The following MAST2 variants were observed in gnomAD, a reference collection of about 807,000 sequenced individuals.
The protein encoded by MAST2 is microtubule-associated serine/threonine-protein kinase 2.
MAST2 carries 70 observed loss-of-function variants against 147.4 expected under a neutral mutation model. That is an observed-to-expected ratio of 0.47 (90% CI 0.39 to 0.58). The LOEUF (loss-of-function observed/expected upper bound fraction) is 0.58. Ranked by LOEUF, MAST2 falls within the 20% of genes least tolerant of loss-of-function variation. The pLI is 0.00. For synonymous variants in MAST2, 869 were observed against 896.8 expected (o/e 0.97, Z 0.55); for missense variants, 2,080 against 2,302.3 (o/e 0.90, Z 1.98).
rs60802520 is a variant in MAST2 at position 45,975,495 on chromosome 1, C to CAAAAAAAAAAAAAAAAA, written c.592+16028_592+16044dup. On this transcript the variant is annotated intron_variant, in intron 5 of 28. Coordinates refer to ENST00000361297, the MANE Select transcript of MAST2 (RefSeq NM_015112.3). ...GCAATATAGTGAGTCCCTGTCTCTC[C>CAAAAAAAAAAAAAAAAA]AAAAAAAAAAAAAAAAAAAAAAAAA... 9.9e-5 allele frequency among the ~76,000 whole-genome samples: 4 copies of CAAAAAAAAAAAAAAAAA among 40,438 alleles called. 2 individuals carry two copies. Among genetic ancestry groups the CAAAAAAAAAAAAAAAAA allele is most frequent in the Admixed American group, 6.0e-4 (2 of 3,332 alleles). The allele number at this position is 40,438 out of a possible 152,430, so 26.5% of individuals were successfully genotyped here.
chr1:46,029,737 A>C, intron 19 of MAST2, 94 bp from the exon 20 acceptor site: 2 of 1,492,388 alleles, frequency 1.3e-6, no homozygotes, highest in Non-Finnish European at 9.2e-7. Flanking sequence ...TCCCCTAGGT[A>C]TAGCTTCTGA....
chr1:45,947,444 A>C (rs151099082), intron 4 of MAST2, among the ~76,000 whole-genome samples: 1 of 152,196 alleles, frequency 6.6e-6, no homozygotes, highest in Non-Finnish European at 1.5e-5. Flanking sequence ...AGTTAGCTTT[A>C]AACCAAGCCC....
intron 1 of MAST2, among the ~76,000 whole-genome samples, chr1:45,812,286 A>C (rs1644326554): frequency 6.6e-6 from 1 of 152,078 alleles, no homozygotes; most frequent in Non-Finnish European, 1.5e-5. Context: ...AGTTTCATCA[A>C]AAGTACTGGG....
rs1646708361 is a variant in MAST2, at chr1:46,032,414, A to G, written c.3414+10A>G. ...GCACCATATGGTGTGGGTATGTCTG[A>G]CCATCCAGACCTGCTGTCTCCCTGC... On this transcript the variant is annotated intron_variant, in intron 25 of 28. Coordinates refer to ENST00000361297, the MANE Select transcript of MAST2 (RefSeq NM_015112.3). The G allele has an allele frequency of 6.2e-7, 1 of 1,612,696 alleles. No homozygotes were observed. Among genetic ancestry groups the G allele is most frequent in the African/African-American group, 1.3e-5 (1 of 74,878 alleles).
At chr1:46,032,745 G>C in intron 26 of MAST2, 27 bp downstream of exon 26, 1 of 1,602,018 alleles carries the variant, frequency 6.2e-7, no homozygotes, top group Non-Finnish European at 8.5e-7. Flanking sequence ...CTGCCTGCAT[G>C]GTCCCTGAAT....
rs1184853702 is a variant in MAST2, at chr1:46,034,819, CT to C, written c.4151del (p.Leu1384ArgfsTer39). On this transcript the variant is annotated frameshift_variant, in exon 29 of 29. Coordinates refer to ENST00000361297, the MANE Select transcript of MAST2 (RefSeq NM_015112.3). LOFTEE classifies it low-confidence loss of function (END_TRUNC). Reference sequence around the variant, plus strand: ...CACAAAGCTTCACTTGTCACCTCCCCTGGGCAGGCAACTCTCACGGCCCAAG... The same window carrying C: ...CACAAAGCTTCACTTGTCACCTCCCCGGGCAGGCAACTCTCACGGCCCAAG... ...FPTKLHLSPPLGRQLSRPKSA... is the reference protein window; with the variant it reads ...FPTKLHLSPPXGRQLSRPKSA... 1.2e-6 allele frequency: 2 copies of C among 1,614,110 alleles called. No homozygotes were observed. Among genetic ancestry groups the C allele is most frequent in the Non-Finnish European group, 1.7e-6 (2 of 1,180,050 alleles).
rs1289693875 is a variant in MAST2 at position 46,006,243 on chromosome 1, ATCATGCTCC to A, written c.754_762del (p.Cys252_Ser254del). The A allele has an allele frequency of 6.2e-7, 1 of 1,612,482 alleles. No homozygotes were observed. The highest frequency in any genetic ancestry group is 1.3e-5 in the African/African-American group (1 of 74,918). On this transcript the variant is annotated inframe_deletion, in exon 8 of 29. Coordinates refer to ENST00000361297, the MANE Select transcript of MAST2 (RefSeq NM_015112.3). ...CTTCTTAATGTTTTCCCCTCTAGTC[ATCATGCTCC>A]TCACAGGAAAAGCTGCATCAGTTGC... is the stretch of plus-strand genomic sequence containing the variant.
At chr1:45,806,883 T>G (rs1644158722) in intron 1 of MAST2, among the ~76,000 whole-genome samples, 1 of 152,138 alleles carries the variant, frequency 6.6e-6, no homozygotes, top group Non-Finnish European at 1.5e-5. Flanking sequence ...TAATTTTTTA[T>G]TTTTTGTAGA....
At chr1:45,932,533 C>T (rs997730051) in intron 4 of MAST2, among the ~76,000 whole-genome samples, 5 of 151,988 alleles carry the variant, frequency 3.3e-5, no homozygotes, top group Admixed American at 6.6e-5. Context: ...ACTAGCCAGG[C>T]GTGGTGGCTC....
intron 3 of MAST2, among the ~76,000 whole-genome samples, chr1:45,835,744 A>G (rs1347617319): frequency 6.6e-6 from 1 of 152,096 alleles, no homozygotes; most frequent in Non-Finnish European, 1.5e-5. Flanking sequence ...TCCTCTACCC[A>G]TTAAACAGTC....
In MAST2 at chr1:45,824,525, A is replaced by C. The variant is rs375422759; in HGVS notation, c.270A>C (p.Gln90His). 6.2e-7 allele frequency: 1 copy of C among 1,611,546 alleles called. No individual in the cohort carries two copies. Among genetic ancestry groups the C allele is most frequent in the South Asian group, 1.1e-5 (1 of 90,526 alleles). The change falls in exon 2 of 29, where the codon CAA becomes CAC. Residue 90 changes from glutamine (Q) to histidine (H), a missense_variant. By Grantham distance (24) the Gln-to-His change is conservative (BLOSUM62 0). Transcript: ENST00000361297. ...CTGGAAAAGTTAAACTTCAGCGACA[A>C]CTGAGTCAGGATGATTGTAAGTTAT... ...SSTGKVKLQR[Q>H]LSQDDCKLWR... is the part of the protein sequence containing the mutation.
At chr1:46,014,929 A>G (rs1262803164) in intron 10 of MAST2, among the ~76,000 whole-genome samples, 1 of 152,118 alleles carries the variant, frequency 6.6e-6, no homozygotes, top group Non-Finnish European at 1.5e-5. Context: ...TTGGAAGTAA[A>G]GCTCTCCTCA....
intron 1 of MAST2, among the ~76,000 whole-genome samples, chr1:45,811,425 G>A (rs1380697071): frequency 2.7e-5 from 4 of 146,144 alleles, no homozygotes; most frequent in African/African-American, 1.0e-4. Context: ...TGCAAGCTCC[G>A]CCTCCCGGGT....
intron 3 of MAST2, among the ~76,000 whole-genome samples, chr1:45,880,123 C>G (rs549005704): frequency 6.6e-6 from 1 of 152,016 alleles, no homozygotes; most frequent in Non-Finnish European, 1.5e-5. Flanking sequence ...GGGATTTACC[C>G]AAGAGAAGTG....
chr1:45,847,300 G>A (rs1026580592), intron 3 of MAST2: 3 of 502,730 alleles, frequency 6.0e-6, no homozygotes, highest in South Asian at 3.1e-5. Flanking sequence ...TGCCTGTCCT[G>A]CTTGTCCCTG....
chr1:45,893,273 T>C (rs1305745186), intron 4 of MAST2, among the ~76,000 whole-genome samples: 1 of 152,200 alleles, frequency 6.6e-6, no homozygotes, highest in Non-Finnish European at 1.5e-5. Context: ...CTGTCATAGC[T>C]CACGGCAGCC....
intron 3 of MAST2, among the ~76,000 whole-genome samples, chr1:45,867,974 A>G (rs879347630): frequency 1.3e-5 from 2 of 152,148 alleles, no homozygotes; most frequent in African/African-American, 4.8e-5. Context: ...CTTGCTTCCT[A>G]TGTGTTAGAA....
chr1:45,856,119 A>G (rs1251383465), intron 3 of MAST2, among the ~76,000 whole-genome samples: 1 of 152,146 alleles, frequency 6.6e-6, no homozygotes, highest in African/African-American at 2.4e-5. Flanking sequence ...AGCTTCTTGA[A>G]GAAGACAGTT....
At chr1:45,979,962 G>A (rs1280739921) in intron 5 of MAST2, among the ~76,000 whole-genome samples, 1 of 152,188 alleles carries the variant, frequency 6.6e-6, no homozygotes, top group African/African-American at 2.4e-5. Context: ...TTATATGTGG[G>A]AGCTAAACAG....
Sources: gnomAD v4.1 joint callset for allele counts (sites outside exome capture counted in the v4.1 genomes callset) on GRCh38, gnomAD v4.1.1 for gene constraint, MANE v1.5 for transcripts, NCBI Gene and HGNC (gene_info 2026-07-23, HGNC 2026-07-21) for gene names.